The following CELF2 variants were observed in gnomAD, a reference collection of about 807,000 sequenced individuals.
The protein encoded by CELF2 is CUG triplet repeat RNA-binding protein 2.
Under a neutral mutation model 62.6 loss-of-function variants are expected in CELF2, and 8 were observed. The ratio of observed to expected loss-of-function variants is 0.13; its 90% CI spans 0.07 to 0.23. The LOEUF is 0.23. CELF2 is among the 10% of genes least tolerant of loss of function. CELF2 has a pLI of 1.00. For missense variants in CELF2, 333 were observed against 671.0 expected (o/e 0.50, Z 5.56); for synonymous variants, 258 against 250.0 (o/e 1.03, Z -0.30).
intron 2 of CELF2, among the ~76,000 whole-genome samples, chr10:10,982,897 C>T (rs1358846639): frequency 6.9e-6 from 1 of 145,814 alleles, no homozygotes; most frequent in Admixed American, 7.1e-5. Flanking sequence ...TGGAAATTTT[C>T]TGGTGTGTGT....
intron 2 of CELF2, among the ~76,000 whole-genome samples, chr10:10,977,991 A>C (rs891892990): frequency 1.3e-5 from 2 of 151,422 alleles, no homozygotes; most frequent in Non-Finnish European, 2.9e-5. Context: ...TAATATATGA[A>C]GAAGGAAGGT....
the CELF2 span, among the ~76,000 whole-genome samples, chr10:10,789,385 C>A: frequency 2.6e-5 from 4 of 151,918 alleles, no homozygotes; most frequent in Non-Finnish European, 5.9e-5. Flanking sequence ...TATATTTAAC[C>A]CACATTAAAT....
Position 11,302,897 on chromosome 10 carries a change from C to T in CELF2, c.977-11242C>T, listed in dbSNP as rs1254485722. Among the ~76,000 whole-genome samples, 2 of 152,212 alleles carry T rather than the reference C, an allele frequency of 1.3e-5. No individual in the cohort carries two copies. Among genetic ancestry groups the T allele is most frequent in the Non-Finnish European group, 2.9e-5 (2 of 68,038 alleles). On this transcript the variant is annotated intron_variant, in intron 9 of 12. Transcript: ENST00000633077. This position sits in a 1 kb window ranked among gnomAD's most constrained non-coding sequence, Gnocchi z 5.0. ...CCTGCCTTCCCGGAGTCCTCTCTTT[C>T]TCTGCCAGGAGATGAAGCCAGCGTG...
At chr10:10,528,224 T>C in the CELF2 span, among the ~76,000 whole-genome samples, 1 of 152,108 alleles carries the variant, frequency 6.6e-6, no homozygotes, top group African/African-American at 2.4e-5. Context: ...AAGTAAATTC[T>C]CCAAGCTTTC....
chr10:11,313,501 C>A (rs150935136), intron 9 of CELF2, among the ~76,000 whole-genome samples: 1 of 152,122 alleles, frequency 6.6e-6, no homozygotes, highest in Non-Finnish European at 1.5e-5. Flanking sequence ...CTTAGTAAAA[C>A]GGATTCAAGA....
the CELF2 span, among the ~76,000 whole-genome samples, chr10:10,550,626 T>C: frequency 1.3e-5 from 2 of 152,260 alleles, no homozygotes; most frequent in East Asian, 3.9e-4. Flanking sequence ...CTGGGAATCA[T>C]GATCTGACTG....
chr10:10,940,982 T>G (rs1213498063), intron 2 of CELF2, among the ~76,000 whole-genome samples: 1 of 152,148 alleles, frequency 6.6e-6, no homozygotes, highest in Non-Finnish European at 1.5e-5. Context: ...GCCAACTGTG[T>G]TAACTTCATA....
rs2062162745 is a variant in CELF2, at chr10:11,145,839, T to G, written c.75-19647T>G. 6.6e-6 allele frequency among the ~76,000 whole-genome samples: 1 copy of G among 152,226 alleles called. No individual in the cohort carries two copies. Among genetic ancestry groups the G allele is most frequent in the Admixed American group, 6.5e-5 (1 of 15,284 alleles). On this transcript the variant is annotated intron_variant, in intron 1 of 12. Coordinates refer to ENST00000633077, the MANE Select transcript of CELF2 (RefSeq NM_001326342.2). This position sits in a 1 kb window ranked among gnomAD's most constrained non-coding sequence, Gnocchi z 4.3. ...GGGGATCAGGTTAGGCCAGGTAGCT[T>G]CTGTTTAAAATGTGGATTTTATATA...
chr10:11,297,096 AAAAGG>A lies in CELF2; in HGVS notation c.976+8551_976+8555del, dbSNP rs1444119206. Among the ~76,000 whole-genome samples the A allele has an allele frequency of 9.9e-5, 15 of 152,208 alleles. No homozygotes were observed. The highest frequency in any genetic ancestry group is 2.1e-4 in the Non-Finnish European group (14 of 68,032). ...GCACCCATTTGATGTGAGGGAGAAC[AAAAGG>A]AAAGGAGGAAAAATGATATGGTGTG... On this transcript the variant is annotated intron_variant, in intron 9 of 12. Transcript: ENST00000633077. This position sits in a 1 kb window ranked among gnomAD's most constrained non-coding sequence, Gnocchi z 4.4.
chr10:10,695,797 A>G, the CELF2 span, among the ~76,000 whole-genome samples: 134 of 152,136 alleles, frequency 8.8e-4, 1 homozygote, highest in African/African-American at 3.0e-3. Flanking sequence ...AGTTGATCGC[A>G]TCGGCTCCTG....
Position 11,329,661 on chromosome 10 carries a change from C to CA in CELF2, c.*609dup, listed in dbSNP as rs2095942069. 1 of 152,560 alleles carries CA rather than the reference C, an allele frequency of 6.6e-6. No homozygotes were observed. Among genetic ancestry groups the CA allele is most frequent in the Admixed American group, 6.5e-5 (1 of 15,282 alleles). The allele number at this position is 152,560 out of a possible 1,614,324, so 9.5% of individuals were successfully genotyped here. ...TATTTTAGGGTTCAAAGAAACATGA[C>CA]ATTTATTGGTCAAAATATTACACTG... On this transcript the variant is annotated 3_prime_UTR_variant, in exon 13 of 13. Transcript: ENST00000633077. The surrounding 1 kb of genome is among the most constrained non-coding windows in gnomAD (Gnocchi z 5.5).
intron 1 of CELF2, among the ~76,000 whole-genome samples, chr10:11,083,260 G>A (rs879558582): frequency 4.6e-5 from 7 of 152,326 alleles, no homozygotes; most frequent in Middle Eastern, 3.4e-3. Flanking sequence ...TTTGACAGAT[G>A]CTCATGATTG....
rs536945447 is a variant in CELF2, at chr10:11,119,874, CG to C, written c.75-45610del. 7.4e-3 allele frequency among the ~76,000 whole-genome samples: 1,053 copies of C among 141,944 alleles called. 11 individuals carry two copies. The highest frequency in any genetic ancestry group is 0.022 in the African/African-American group (833 of 37,612). The allele number at this position is 141,944 out of a possible 152,430, so 93.1% of individuals were successfully genotyped here. Reference sequence around the variant, plus strand: ...CTGCTTGATTCCGCCTCCCCCCCCCCGGCCCCCGCTTTTTTGTTTATTGACA... The same window carrying C: ...CTGCTTGATTCCGCCTCCCCCCCCCCGCCCCCGCTTTTTTGTTTATTGACA... On this transcript the variant is annotated intron_variant, in intron 1 of 12. Transcript: ENST00000633077.
intron 1 of CELF2, among the ~76,000 whole-genome samples, chr10:10,919,098 T>C (rs2134634312): frequency 6.6e-6 from 1 of 152,204 alleles, no homozygotes; most frequent in East Asian, 1.9e-4. Context: ...TGGAAAAACC[T>C]GTCTCTACTA....
At chr10:10,674,960 CACAA>C in the CELF2 span, among the ~76,000 whole-genome samples, 1 of 152,176 alleles carries the variant, frequency 6.6e-6, no homozygotes, top group Non-Finnish European at 1.5e-5. Flanking sequence ...GGTATATACA[CACAA>C]ACACACACAC....
chr10:10,747,633 A>T, the CELF2 span, among the ~76,000 whole-genome samples: 2 of 152,142 alleles, frequency 1.3e-5, no homozygotes, highest in Non-Finnish European at 2.9e-5. Flanking sequence ...TAATCACAGG[A>T]TGTAAAAAAG....
the CELF2 span, among the ~76,000 whole-genome samples, chr10:10,723,976 C>T: frequency 6.6e-5 from 10 of 152,148 alleles, no homozygotes; most frequent in East Asian, 5.8e-4. Flanking sequence ...CATATCAATA[C>T]GTTAAAGCAC....
the CELF2 span, among the ~76,000 whole-genome samples, chr10:10,558,442 T>A: frequency 6.6e-6 from 1 of 152,190 alleles, no homozygotes; most frequent in African/African-American, 2.4e-5. Context: ...TTTGCCAGTA[T>A]TTTATTGAGG....
upstream of CELF2, among the ~76,000 whole-genome samples, chr10:11,003,112 A>C (rs947625928): frequency 6.6e-6 from 1 of 152,224 alleles, no homozygotes; most frequent in Non-Finnish European, 1.5e-5. This position sits in a 1 kb window ranked among gnomAD's most constrained non-coding sequence, Gnocchi z 4.4. Flanking sequence ...GTGGATGTAA[A>C]GCCCTCAATC....
Sources: allele counts gnomAD v4.1 joint callset (sites outside exome capture counted in the v4.1 genomes callset), GRCh38; gene constraint gnomAD v4.1.1; non-coding constraint Gnocchi (gnomAD v3.1); transcripts MANE v1.5; gene names NCBI Gene and HGNC (gene_info 2026-07-23, HGNC 2026-07-21).